Variants in TAFA1 observed in about 807,000 individuals in gnomAD.
The protein encoded by TAFA1 is TAFA chemokine like family member 1.
Under a neutral mutation model 18.5 loss-of-function variants are expected in TAFA1, and 4 were observed. That is an observed-to-expected ratio of 0.22 (90% CI 0.11 to 0.49). TAFA1 has a LOEUF of 0.49. Among genes scored for constraint, TAFA1 ranks in the 20% least tolerant of loss-of-function variants. The probability of loss-of-function intolerance (pLI) is 0.98; values close to 1 mark genes in which losing one functional copy is unlikely to be tolerated. For synonymous variants in TAFA1, 56 were observed against 55.2 expected, an observed-to-expected ratio of 1.01 and a Z score of -0.06; for missense variants, 147 against 169.0, an observed-to-expected ratio of 0.87 and a Z score of 0.72.
chr3:68,392,176 CAA>C (rs57440480), intron 2 of TAFA1, among the ~76,000 whole-genome samples: 8,512 of 109,426 alleles, frequency 0.078, 273 homozygotes, highest in East Asian at 0.16. Context: ...TTTAGGAAAG[CAA>C]AAAAAAAAAA....
intron 2 of TAFA1, among the ~76,000 whole-genome samples, chr3:68,277,905 T>C (rs1303509551): frequency 6.6e-6 from 1 of 152,174 alleles, no homozygotes; most frequent in African/African-American, 2.4e-5. Flanking sequence ...TTAGAAATAA[T>C]TGTACAATAG....
intron 2 of TAFA1, among the ~76,000 whole-genome samples, chr3:68,266,831 C>G (rs9839008): frequency 0.67 from 101,550 of 151,976 alleles, 35,120 homozygotes; most frequent in East Asian, 0.99. Flanking sequence ...CAACTCTCAG[C>G]GATAAGTATG....
chr3:68,077,668 A>G (rs2106765011), intron 2 of TAFA1, among the ~76,000 whole-genome samples: 1 of 152,142 alleles, frequency 6.6e-6, no homozygotes, highest in South Asian at 2.1e-4. Context: ...ATTGATCTAT[A>G]TCTCTATTTT....
At chr3:68,507,111 C>T (rs960993016) in intron 3 of TAFA1, among the ~76,000 whole-genome samples, 4 of 152,054 alleles carry the variant, frequency 2.6e-5, no homozygotes, top group African/African-American at 9.7e-5. Flanking sequence ...CTAGACACAG[C>T]TTCAGAACCT....
At chr3:68,011,799 C>T (rs988925205) in intron 2 of TAFA1, among the ~76,000 whole-genome samples, 15 of 152,160 alleles carry the variant, frequency 9.9e-5, no homozygotes, top group Non-Finnish European at 1.5e-5. Flanking sequence ...CTGATTGATC[C>T]TATTGACCTC....
At chr3:68,370,160 C>T (rs1024026269) in intron 2 of TAFA1, among the ~76,000 whole-genome samples, 15 of 146,822 alleles carry the variant, frequency 1.0e-4, no homozygotes, top group African/African-American at 3.0e-4. Flanking sequence ...ATGTGGCAGG[C>T]GCCTGTAGTC....
At chr3:68,376,422 G>T (rs1559640512) in intron 2 of TAFA1, among the ~76,000 whole-genome samples, 1 of 151,802 alleles carries the variant, frequency 6.6e-6, no homozygotes, top group Non-Finnish European at 1.5e-5. Flanking sequence ...CTACCCTCAA[G>T]TAGGCCCCTG....
At chr3:68,333,785 T>C (rs2068922774) in intron 2 of TAFA1, among the ~76,000 whole-genome samples, 1 of 152,240 alleles carries the variant, frequency 6.6e-6, no homozygotes, top group South Asian at 2.1e-4. Flanking sequence ...CAAGTGTTCA[T>C]TAATGAATGA....
At chr3:68,474,770 G>A (rs1258802180) in intron 3 of TAFA1, among the ~76,000 whole-genome samples, 1 of 152,168 alleles carries the variant, frequency 6.6e-6, no homozygotes, top group African/African-American at 2.4e-5. Context: ...GACAAAGTGA[G>A]CCACACAAAT....
At chr3:67,991,694 A>G in the TAFA1 span, among the ~76,000 whole-genome samples, 1 of 152,160 alleles carries the variant, frequency 6.6e-6, no homozygotes, top group Non-Finnish European at 1.5e-5. Context: ...TTACACCATC[A>G]GCTTCCCTGG....
intron 2 of TAFA1, among the ~76,000 whole-genome samples, chr3:68,318,501 C>T (rs186498179): frequency 2.0e-5 from 3 of 152,146 alleles, no homozygotes; most frequent in African/African-American, 7.2e-5. Flanking sequence ...GGAATGGAAA[C>T]CCACAGAAAT....
chr3:68,090,550 T>G (rs1208306050), intron 2 of TAFA1, among the ~76,000 whole-genome samples: 1 of 152,210 alleles, frequency 6.6e-6, no homozygotes, highest in Non-Finnish European at 1.5e-5. Flanking sequence ...TGGGTCTGGA[T>G]AGGAATTCTG....
intron 2 of TAFA1, among the ~76,000 whole-genome samples, chr3:68,135,039 T>C (rs541241677): frequency 1.3e-5 from 2 of 152,206 alleles, no homozygotes; most frequent in Non-Finnish European, 2.9e-5. Context: ...TTATGACTTA[T>C]TGCTCATTTT....
intron 2 of TAFA1, among the ~76,000 whole-genome samples, chr3:68,057,110 T>G (rs1421432833): frequency 6.6e-6 from 1 of 152,210 alleles, no homozygotes; most frequent in Non-Finnish European, 1.5e-5. Flanking sequence ...ATTTCCCCAG[T>G]GAGGGCAGAG....
chr3:68,033,676 A>G (rs1169514200), intron 2 of TAFA1, among the ~76,000 whole-genome samples: 4 of 152,230 alleles, frequency 2.6e-5, no homozygotes, highest in Non-Finnish European at 5.9e-5. Flanking sequence ...GGAATGAAAA[A>G]AATTAGCATA....
rs547129677 is a variant in TAFA1 at position 68,073,282 on chromosome 3, A to G, written c.118+66538A>G. On this transcript the variant is annotated intron_variant, in intron 2 of 4. Transcript: ENST00000478136. ...AGAGTTAGAGGCAACCTGATCTTAC[A>G]TGTTAGAAAGAAGAAATCCCTCAAG... is the stretch of plus-strand genomic sequence containing the variant. 2.0e-5 allele frequency among the ~76,000 whole-genome samples: 3 copies of G among 152,336 alleles called. No individual in the cohort carries two copies. In the East Asian group the frequency reaches 5.8e-4, roughly 29 times the overall value.
intron 2 of TAFA1, among the ~76,000 whole-genome samples, chr3:68,149,476 G>C (rs1442874664): frequency 6.6e-6 from 1 of 152,164 alleles, no homozygotes; most frequent in East Asian, 1.9e-4. Context: ...TTCTGATGAG[G>C]GTCTCAAGGA....
At chr3:68,235,397 CGT>C (rs2066916875) in intron 2 of TAFA1, among the ~76,000 whole-genome samples, 4 of 152,022 alleles carry the variant, frequency 2.6e-5, no homozygotes, top group Admixed American at 2.6e-4. Flanking sequence ...AAATTCTGGG[CGT>C]GTTATTTAAT....
At chr3:68,019,433 C>T (rs1243096074) in intron 2 of TAFA1, among the ~76,000 whole-genome samples, 14 of 152,150 alleles carry the variant, frequency 9.2e-5, no homozygotes, top group Non-Finnish European at 1.5e-4. Context: ...TAGACTTGCT[C>T]TTAGTGTAGA....
Sources: allele counts gnomAD v4.1 joint callset (sites outside exome capture counted in the v4.1 genomes callset), GRCh38; gene constraint gnomAD v4.1.1; transcripts MANE v1.5; gene names NCBI Gene and HGNC (gene_info 2026-07-23, HGNC 2026-07-21).